Variants in FER1L6 observed in about 807,000 individuals in gnomAD.
FER1L6 encodes the protein fer-1 like family member 6, also known as fer-1-like protein 6.
FER1L6 carries 177 observed loss-of-function variants against 219.2 expected under a neutral mutation model. The observed-to-expected ratio is 0.81, with a 90% confidence interval of 0.71 to 0.91. The LOEUF (loss-of-function observed/expected upper bound fraction) is 0.91. Among genes scored for constraint, FER1L6 ranks in the 40% least tolerant of loss-of-function variants. The pLI is 0.00. For missense variants in FER1L6, 2,153 were observed against 2,259.9 expected, an observed-to-expected ratio of 0.95 and a Z score of 0.96; for synonymous variants, 768 against 824.3, an observed-to-expected ratio of 0.93 and a Z score of 1.17.
chr8:124,037,937 T>G (rs992593407), intron 19 of FER1L6, among the ~76,000 whole-genome samples: 2 of 152,200 alleles, frequency 1.3e-5, no homozygotes, highest in African/African-American at 4.8e-5. Context: ...CAGTGTTGTC[T>G]CCTTGTTGGT....
chr8:123,992,775 C>G (rs1222375392), intron 12 of FER1L6, among the ~76,000 whole-genome samples: 3 of 151,554 alleles, frequency 2.0e-5, no homozygotes, highest in Non-Finnish European at 4.4e-5. Flanking sequence ...TCCTATTTTT[C>G]TACTTCCTTG....
chr8:124,014,251 G>C (rs1330096023), intron 15 of FER1L6: 2 of 152,702 alleles, frequency 1.3e-5, no homozygotes, highest in East Asian at 3.8e-4. Context: ...TCACTAGGAA[G>C]AATGAATGGA....
chr8:123,998,864 C>A (rs1817272028), intron 12 of FER1L6, among the ~76,000 whole-genome samples: 1 of 152,226 alleles, frequency 6.6e-6, no homozygotes, highest in Admixed American at 6.5e-5. Context: ...ACAGCAAGTA[C>A]TGCCTGGCGA....
intron 12 of FER1L6, among the ~76,000 whole-genome samples, chr8:123,998,844 C>T (rs1042195589): frequency 5.3e-5 from 8 of 152,200 alleles, no homozygotes; most frequent in African/African-American, 1.9e-4. Context: ...ACCACTGCCG[C>T]CCTAGCCCCA....
intron 1 of FER1L6, among the ~76,000 whole-genome samples, chr8:123,925,055 T>C (rs1315370710): frequency 6.6e-6 from 1 of 152,278 alleles, no homozygotes; most frequent in Non-Finnish European, 1.5e-5. Flanking sequence ...ATTGCCCATC[T>C]GATTACAATT....
chr8:123,969,986 T>G, intron 5 of FER1L6, 49 bp from the exon 6 acceptor site: 2 of 1,479,720 alleles, frequency 1.4e-6, no homozygotes, highest in Non-Finnish European at 1.9e-6. Flanking sequence ...ACAGGATTCT[T>G]AGGTGCAAGT....
intron 7 of FER1L6, 51 bp downstream of exon 7, chr8:123,973,563 G>A: frequency 1.5e-6 from 2 of 1,342,090 alleles, no homozygotes; most frequent in Non-Finnish European, 2.1e-6. Flanking sequence ...TTGGTTTATA[G>A]CACCTGGAGT....
intron 1 of FER1L6, among the ~76,000 whole-genome samples, chr8:123,892,141 G>A (rs1436587620): frequency 2.6e-5 from 4 of 152,026 alleles, no homozygotes; most frequent in Non-Finnish European, 5.9e-5. Flanking sequence ...TGTTTATAAG[G>A]CTCTATTAAA....
At position 123,977,489 on chromosome 8, in the gene FER1L6, CCT is replaced by C. The variant is rs1300125670; in HGVS notation, c.945_946del (p.Pro316LeufsTer12). 6.2e-7 allele frequency: 1 copy of C among 1,614,010 alleles called. No individual in the cohort carries two copies. On this transcript the variant is annotated frameshift_variant, in exon 10 of 41. Transcript: ENST00000522917. LOFTEE classifies it high-confidence loss of function. ...HEQVIFKEMF[P>X]PLCRRVKIQV... Reference sequence around the variant, plus strand: ...ACAGGTGATCTTCAAGGAAATGTTCCCTCCCTTGTGTCGGAGGGTGAAAATCC... The same window carrying C: ...ACAGGTGATCTTCAAGGAAATGTTCCCCCTTGTGTCGGAGGGTGAAAATCC...
intron 40 of FER1L6, 127 bp downstream of exon 40, chr8:124,119,071 T>C (rs955131656): frequency 3.3e-5 from 24 of 730,784 alleles, no homozygotes; most frequent in Non-Finnish European, 4.3e-5. Context: ...AGGCAGTCAA[T>C]TGGTGCTTTC....
intron 33 of FER1L6, among the ~76,000 whole-genome samples, chr8:124,087,975 G>A (rs1408640649): frequency 6.6e-6 from 1 of 152,144 alleles, no homozygotes; most frequent in Non-Finnish European, 1.5e-5. Context: ...AGCTGGGGGA[G>A]GGGTGACACA....
chr8:124,008,464 A>G (rs1817768295), intron 13 of FER1L6, among the ~76,000 whole-genome samples: 2 of 151,722 alleles, frequency 1.3e-5, no homozygotes, highest in South Asian at 2.1e-4. Flanking sequence ...TAGATATCCA[A>G]TAGTGGAATT....
chr8:124,073,596 G>A (rs73330123), intron 31 of FER1L6, among the ~76,000 whole-genome samples: 5,295 of 152,054 alleles, frequency 0.035, 300 homozygotes, highest in African/African-American at 0.12. Context: ...TACAAGATAG[G>A]TTGGCCATTT....
chr8:124,066,422 T>A lies in FER1L6; in HGVS notation c.3556-6T>A. On this transcript the variant is annotated splice_region_variant and splice_polypyrimidine_tract_variant and intron_variant, in intron 26 of 40. Transcript: ENST00000522917. ...ACTAATAACCCATTCCCTCATCCCTTGCCAGGATCCCAGGAAGCCTTCCCG... is the reference window on the plus strand; with the variant it reads ...ACTAATAACCCATTCCCTCATCCCTAGCCAGGATCCCAGGAAGCCTTCCCG... The A allele has an allele frequency of 6.2e-7, 1 of 1,613,324 alleles. No individual in the cohort carries two copies. Among genetic ancestry groups the A allele is most frequent in the Non-Finnish European group, 8.5e-7 (1 of 1,179,690 alleles).
intron 37 of FER1L6, among the ~76,000 whole-genome samples, chr8:124,098,506 C>T (rs75353603): frequency 0.024 from 3,661 of 152,194 alleles, 75 homozygotes; most frequent in Non-Finnish European, 0.034. Context: ...CCAGAATGTA[C>T]GTTATCAATG....
Position 123,966,033 on chromosome 8 carries a change from A to G in FER1L6, c.224A>G (p.Asp75Gly), listed in dbSNP as rs532915997. 3.5e-5 allele frequency: 56 copies of G among 1,613,716 alleles called. No individual in the cohort carries two copies. The East Asian group carries it at 1.1e-3, about 31-fold the overall frequency. The part of the protein sequence containing the change: ...RRSKLLTKIH[D>G]GEVRSQNYQI... ...TCAAAACTGTTGACTAAGATCCATGATGGGGAGGTCAGATCCCAAAATTAT... is the reference window on the plus strand; with the variant it reads ...TCAAAACTGTTGACTAAGATCCATGGTGGGGAGGTCAGATCCCAAAATTAT... Residue 75 changes from aspartate (D) to glycine (G), a missense_variant, in exon 4 of 41, where the codon GAT (aspartate) becomes GGT (glycine). By Grantham distance (94) the Asp-to-Gly change is moderately conservative. Transcript: ENST00000522917.
chr8:124,047,839 T>G (rs1819807041), intron 21 of FER1L6: 2 of 152,206 alleles, frequency 1.3e-5, no homozygotes, highest in African/African-American at 4.8e-5. Context: ...ATGCTCAGAT[T>G]AATGGAATCA....
chr8:123,992,974 GCA>G (rs1391425152), intron 12 of FER1L6, among the ~76,000 whole-genome samples: 2 of 152,156 alleles, frequency 1.3e-5, no homozygotes, highest in Non-Finnish European at 2.9e-5. Flanking sequence ...TCATTCAGGA[GCA>G]GACTAATTTC....
At chr8:124,015,623 T>A (rs1432564352) in intron 15 of FER1L6, among the ~76,000 whole-genome samples, 3 of 69,680 alleles carry the variant, frequency 4.3e-5, no homozygotes, top group African/African-American at 1.6e-4. Context: ...ATATTACTCC[T>A]GCTGTGAGCT....
Sources: allele counts gnomAD v4.1 joint callset (sites outside exome capture counted in the v4.1 genomes callset), GRCh38; gene constraint gnomAD v4.1.1; transcripts MANE v1.5; gene names NCBI Gene and HGNC (gene_info 2026-07-23, HGNC 2026-07-21).